The following ZNF569 variants were observed in gnomAD, a reference collection of about 807,000 sequenced individuals.
The protein encoded by ZNF569 is DNA-binding protein.
In ZNF569, 38 loss-of-function variants were observed where a neutral mutation model predicts 56.3. The observed-to-expected ratio is 0.68, with a 90% CI of 0.52 to 0.88. ZNF569 has a LOEUF of 0.88. Ranked by LOEUF, ZNF569 falls within the 40% of genes least tolerant of loss-of-function variation. The pLI, the probability that ZNF569 is intolerant of heterozygous loss-of-function variation, is 0.00. For missense variants in ZNF569, 666 were observed against 809.2 expected, an observed-to-expected ratio of 0.82 and a Z score of 2.15; for synonymous variants, 241 against 262.9, an observed-to-expected ratio of 0.92 and a Z score of 0.81.
chr19:37,412,368 G>A lies in ZNF569; in HGVS notation c.*229C>T. On this transcript the variant is annotated 3_prime_UTR_variant, in exon 6 of 6. Coordinates refer to ENST00000316950, the MANE Select transcript of ZNF569 (RefSeq NM_152484.3). ...CCTTGTTTCAGATTTCAATGAGAAT[G>A]CTGATTAAATATTATCAATAAGATG... 1 of 607,156 alleles carries A rather than the reference G, an allele frequency of 1.6e-6. No homozygotes were observed. The highest frequency in any genetic ancestry group is 2.4e-6 in the Non-Finnish European group (1 of 410,630). The allele number at this position is 607,156 out of a possible 1,614,324, so 37.6% of individuals were successfully genotyped here.
chr19:37,447,886 CTG>C (rs1453559399), intron 2 of ZNF569, among the ~76,000 whole-genome samples: 2 of 152,162 alleles, frequency 1.3e-5, no homozygotes, highest in Admixed American at 1.3e-4. Flanking sequence ...TTACAGTCAA[CTG>C]TAGTAATTGA....
intron 5 of ZNF569, among the ~76,000 whole-genome samples, chr19:37,416,349 T>C (rs1424560459): frequency 1.3e-5 from 2 of 151,824 alleles, no homozygotes; most frequent in African/African-American, 2.4e-5. Flanking sequence ...TCAAGTCATC[T>C]GAACAATTGT....
intron 5 of ZNF569, among the ~76,000 whole-genome samples, chr19:37,422,728 G>T (rs1250090735): frequency 1.3e-5 from 2 of 152,176 alleles, no homozygotes; most frequent in East Asian, 3.8e-4. Context: ...GAAATAATTG[G>T]AAGAGAAAAA....
chr19:37,459,216 CACTAAGCAAGATAAAT>C (rs746134629), intron 2 of ZNF569, among the ~76,000 whole-genome samples: 2 of 151,568 alleles, frequency 1.3e-5, no homozygotes, highest in Non-Finnish European at 2.9e-5. Flanking sequence ...GCGCAAAGAA[CACTAAGCAAGATAAAT>C]ACCAAAAAAA....
At chr19:37,433,615 GAAAC>G (rs1479319747) in intron 3 of ZNF569, among the ~76,000 whole-genome samples, 3 of 152,096 alleles carry the variant, frequency 2.0e-5, no homozygotes, top group Non-Finnish European at 4.4e-5. Context: ...CAAGAGAAAA[GAAAC>G]AACATACCAA....
chr19:37,448,556 C>CTTTTTTTT (rs545559315), intron 2 of ZNF569, among the ~76,000 whole-genome samples: 8 of 72,530 alleles, frequency 1.1e-4, no homozygotes, highest in Non-Finnish European at 1.4e-4. Context: ...ATGCTGTAAT[C>CTTTTTTTT]TTTTTTTTTT....
rs1173116821 is a variant in ZNF569 at position 37,413,462 on chromosome 19, A to G, written c.1196T>C (p.Val399Ala). ...KAFSQSSALT[V>A]HMRSHTGEKP... The stretch of plus-strand genomic sequence containing the variant: ...CTCACCAGTGTGACTTCTCATATGT[A>G]CAGTAAGGGCTGAGCTTTGAGAGAA... The change falls in exon 6 of 6, where the codon GTA becomes GCA. Residue 399 changes from valine (V) to alanine (A), a missense_variant. Physicochemically the swap from Val to Ala is moderately conservative, Grantham distance 64. Transcript: ENST00000316950. The G allele has an allele frequency of 1.9e-6, 3 of 1,613,832 alleles. No homozygotes were observed. The highest frequency in any genetic ancestry group is 1.3e-5 in the African/African-American group (1 of 75,014).
In ZNF569 at chr19:37,448,972, A is replaced by C. The variant is rs146437593; in HGVS notation, c.-43-4008T>G. Among the ~76,000 whole-genome samples the C allele has an allele frequency of 6.0e-4, 91 of 152,340 alleles. No homozygotes were observed. The East Asian group carries it at 0.015, about 25-fold the overall frequency. Reference sequence around the variant, plus strand: ...AATTATTTATATCATGTAATGCAACAAACTTCCCTGTATGCACTAATTTAG... The same window carrying C: ...AATTATTTATATCATGTAATGCAACCAACTTCCCTGTATGCACTAATTTAG... On this transcript the variant is annotated intron_variant, in intron 2 of 5. Coordinates refer to ENST00000316950, the MANE Select transcript of ZNF569 (RefSeq NM_152484.3).
chr19:37,424,451 A>C (rs1378231474), intron 5 of ZNF569, among the ~76,000 whole-genome samples: 1 of 152,158 alleles, frequency 6.6e-6, no homozygotes, highest in African/African-American at 2.4e-5. Context: ...AGAAATTAAG[A>C]ATGGTATCTA....
chr19:37,441,691 C>T (rs757272595), intron 3 of ZNF569, among the ~76,000 whole-genome samples: 1 of 151,874 alleles, frequency 6.6e-6, no homozygotes, highest in Non-Finnish European at 1.5e-5. Flanking sequence ...CTCCTACATG[C>T]ATGCTGTGGG....
intron 2 of ZNF569, among the ~76,000 whole-genome samples, chr19:37,457,508 A>G (rs1188084431): frequency 6.6e-6 from 1 of 152,174 alleles, no homozygotes; most frequent in Non-Finnish European, 1.5e-5. Context: ...CTATGCAACC[A>G]TAAAAAGGAT....
intron 5 of ZNF569, among the ~76,000 whole-genome samples, chr19:37,418,005 G>A (rs1308016451): frequency 6.6e-6 from 1 of 151,962 alleles, no homozygotes; most frequent in Non-Finnish European, 1.5e-5. Context: ...GGAGGCTGAG[G>A]CAGGAGAATC....
chr19:37,428,004 C>T (rs2041163371), intron 3 of ZNF569, among the ~76,000 whole-genome samples: 1 of 152,120 alleles, frequency 6.6e-6, no homozygotes, highest in East Asian at 1.9e-4. Flanking sequence ...GAGGTCAGAT[C>T]ATTAAACTAG....
chr19:37,466,530 G>A (rs568352149), intron 1 of ZNF569, among the ~76,000 whole-genome samples: 1 of 152,264 alleles, frequency 6.6e-6, no homozygotes, highest in Non-Finnish European at 1.5e-5. Flanking sequence ...GGGAGGCTGA[G>A]GGAGGAGAAT....
chr19:37,441,727 G>A (rs556909806), intron 3 of ZNF569, among the ~76,000 whole-genome samples: 73 of 151,900 alleles, frequency 4.8e-4, no homozygotes, highest in African/African-American at 1.7e-3. Context: ...GAAGCATCTA[G>A]AGAATGACAG....
chr19:37,445,077 G>T, intron 2 of ZNF569, 113 bp from the exon 3 acceptor site: 1 of 756,128 alleles, frequency 1.3e-6, no homozygotes. Context: ...AAATCTATCA[G>T]AAATGCCAAG....
intron 3 of ZNF569, among the ~76,000 whole-genome samples, chr19:37,435,287 C>A (rs2041291668): frequency 6.6e-6 from 1 of 151,956 alleles, no homozygotes; most frequent in African/African-American, 2.4e-5. Flanking sequence ...TATTTGCAAG[C>A]CTCATGGCAA....
intron 3 of ZNF569, chr19:37,427,757 A>C (rs1215607293): frequency 2.0e-6 from 1 of 510,248 alleles, no homozygotes; most frequent in Admixed American, 2.0e-5. Flanking sequence ...AGAGGAAAAA[A>C]ACCCTGAAAT....
rs1273758892 is a variant in ZNF569, at chr19:37,412,548, G to A, written c.*49C>T. The A allele has an allele frequency of 2.0e-6, 3 of 1,529,440 alleles. No homozygotes were observed. The highest frequency in any genetic ancestry group is 2.6e-6 in the Non-Finnish European group (3 of 1,141,918). 94.7% of individuals were successfully genotyped at this position (1,529,440 alleles called of 1,614,324 possible). A position where few individuals can be genotyped will look rare whatever the true frequency, so the allele number is the denominator to read the frequency against. ...GTGATCATGTAATGTGCAATGAGGT[G>A]TTAATTCCTTCAGATGGCCTTGCCA... On this transcript the variant is annotated 3_prime_UTR_variant, in exon 6 of 6. Transcript: ENST00000316950.
Sources: gnomAD v4.1 joint callset for allele counts (sites outside exome capture counted in the v4.1 genomes callset) on GRCh38, gnomAD v4.1.1 for gene constraint, MANE v1.5 for transcripts, NCBI Gene and HGNC (gene_info 2026-07-23, HGNC 2026-07-21) for gene names.